The following NTN1 variants were observed in gnomAD, a reference collection of about 807,000 sequenced individuals.
The protein encoded by NTN1 is netrin 1, also known as netrin-1.
A neutral mutation model predicts 54.2 loss-of-function variants in NTN1; 11 were observed. The ratio of observed to expected loss-of-function variants is 0.20; its 90% CI spans 0.13 to 0.34. The LOEUF is 0.34. NTN1 is among the 10% of genes least tolerant of loss of function. NTN1 has a pLI of 1.00. For missense variants in NTN1, 740 were observed against 893.1 expected (o/e 0.83, Z 2.18); for synonymous variants, 371 against 382.0 (o/e 0.97, Z 0.33).
At chr17:9,062,249 G>A (rs1388046403) in intron 2 of NTN1, among the ~76,000 whole-genome samples, 1 of 152,188 alleles carries the variant, frequency 6.6e-6, no homozygotes, top group Non-Finnish European at 1.5e-5. Flanking sequence ...AGGGGCCACG[G>A]CCTCATAAAA....
At chr17:9,154,435 G>A (rs948047556) in intron 2 of NTN1, among the ~76,000 whole-genome samples, 1 of 152,216 alleles carries the variant, frequency 6.6e-6, no homozygotes, top group African/African-American at 2.4e-5. Context: ...GTATGTATAT[G>A]TATGATCGTT....
At chr17:9,201,470 A>G (rs1035013119) in intron 5 of NTN1, among the ~76,000 whole-genome samples, 1 of 152,212 alleles carries the variant, frequency 6.6e-6, no homozygotes, top group African/African-American at 2.4e-5. Context: ...AGGGCTCTGA[A>G]TTAACCCTGT....
At chr17:9,113,312 G>A (rs932770725) in intron 2 of NTN1, among the ~76,000 whole-genome samples, 12 of 151,954 alleles carry the variant, frequency 7.9e-5, no homozygotes, top group African/African-American at 2.7e-4. Context: ...ATGAGCCACC[G>A]CACTGGGCCT....
At chr17:9,134,411 T>C (rs1018906654) in intron 2 of NTN1, among the ~76,000 whole-genome samples, 2 of 152,278 alleles carry the variant, frequency 1.3e-5, no homozygotes, top group East Asian at 1.9e-4. Context: ...CGGCTGGGGT[T>C]GCAGCTGCCT....
intron 2 of NTN1, among the ~76,000 whole-genome samples, chr17:9,023,836 C>T (rs2091861827): frequency 6.6e-6 from 1 of 152,220 alleles, no homozygotes; most frequent in Non-Finnish European, 1.5e-5. Flanking sequence ...CTACAAATCC[C>T]TTGGGAGATG....
chr17:9,057,214 T>A (rs1017162263), intron 2 of NTN1, among the ~76,000 whole-genome samples: 3 of 131,714 alleles, frequency 2.3e-5, no homozygotes, highest in African/African-American at 8.7e-5. Flanking sequence ...AAAGGACCCC[T>A]GTGGTCCCCA....
intron 2 of NTN1, among the ~76,000 whole-genome samples, chr17:9,111,094 C>G (rs183725745): frequency 3.5e-4 from 53 of 152,148 alleles, no homozygotes; most frequent in African/African-American, 7.2e-4. Flanking sequence ...CACGCCACCA[C>G]GCCTGGCTAA....
intron 2 of NTN1, among the ~76,000 whole-genome samples, chr17:9,156,362 G>T (rs2092342318): frequency 6.6e-6 from 1 of 152,232 alleles, no homozygotes; most frequent in Admixed American, 6.5e-5. Context: ...CTGCTGTGGG[G>T]TACTGGGCCC....
At chr17:9,155,775 C>A (rs1323059453) in intron 2 of NTN1, among the ~76,000 whole-genome samples, 1 of 152,208 alleles carries the variant, frequency 6.6e-6, no homozygotes, top group African/African-American at 2.4e-5. Context: ...TCAAACTCAG[C>A]ACTATGGACA....
intron 2 of NTN1, 64 bp from the exon 3 acceptor site, chr17:9,162,749 G>T: frequency 5.4e-6 from 8 of 1,485,160 alleles, no homozygotes; most frequent in Non-Finnish European, 6.4e-6. Flanking sequence ...TTCTTTTGAC[G>T]CTCTTGGGTG....
At chr17:9,050,264 T>TA (rs965743726) in intron 2 of NTN1, among the ~76,000 whole-genome samples, 1 of 148,292 alleles carries the variant, frequency 6.7e-6, no homozygotes, top group Non-Finnish European at 1.5e-5. Context: ...TAAAAAAAAA[T>TA]AAAAATAAAA....
Position 9,114,634 on chromosome 17 carries a change from T to C in NTN1, c.1019-48179T>C, listed in dbSNP as rs1419411721. On this transcript the variant is annotated intron_variant, in intron 2 of 6. Coordinates refer to ENST00000173229, the MANE Select transcript of NTN1 (RefSeq NM_004822.3). Reference sequence around the variant, plus strand: ...TGGGTGTGGTGGCGGGTGCCTGTAATCCCAGCTACTTGGGAGGCTAAGGCA... The same window carrying C: ...TGGGTGTGGTGGCGGGTGCCTGTAACCCCAGCTACTTGGGAGGCTAAGGCA... Among the ~76,000 whole-genome samples the C allele has an allele frequency of 2.0e-5, 3 of 152,098 alleles. No homozygotes were observed. In the East Asian group the frequency reaches 5.8e-4, roughly 29 times the overall value.
At chr17:9,183,263 A>T (rs2092424307) in intron 5 of NTN1, 1 of 621,630 alleles carries the variant, frequency 1.6e-6, no homozygotes, top group African/African-American at 1.8e-5. Context: ...CGCCAGCCCA[A>T]CACCTTCCAG....
intron 2 of NTN1, among the ~76,000 whole-genome samples, chr17:9,068,544 C>T (rs1353354620): frequency 4.4e-4 from 66 of 148,684 alleles, no homozygotes; most frequent in Non-Finnish European, 6.5e-4. Context: ...GAGTTTCTCT[C>T]GTTGCCCAGG....
At position 9,234,195 on chromosome 17, in the gene NTN1, C is replaced by G. The variant is rs75453124; in HGVS notation, c.1487-5445C>G. Among the ~76,000 whole-genome samples the G allele has an allele frequency of 7.5e-3, 1,142 of 152,340 alleles. 11 individuals carry two copies. The highest frequency in any genetic ancestry group is 0.026 in the African/African-American group (1,097 of 41,586). On this transcript the variant is annotated intron_variant, in intron 6 of 6. Transcript: ENST00000173229. ...AGGTGTGGGTTAGGGCAAGGGAAGC[C>G]AGTCCTCTTAGCTCGCACTGTCCTG...
chr17:9,097,844 GT>G (rs1462468205), intron 2 of NTN1, among the ~76,000 whole-genome samples: 1 of 151,924 alleles, frequency 6.6e-6, no homozygotes, highest in Non-Finnish European at 1.5e-5. Context: ...TATTGAAACA[GT>G]CCCCTGTGTA....
rs555445846 is a variant in NTN1 at position 9,064,450 on chromosome 17, G to A, written c.1018+41059G>A. Among the ~76,000 whole-genome samples, 47 of 152,234 alleles carry A rather than the reference G, an allele frequency of 3.1e-4. 2 individuals carry two copies. The highest frequency in any genetic ancestry group is 2.7e-3 in the South Asian group (13 of 4,816). On this transcript the variant is annotated intron_variant, in intron 2 of 6. Coordinates refer to ENST00000173229, the MANE Select transcript of NTN1 (RefSeq NM_004822.3). ...ACAGCTCCCCATTTCTCACTTCTGC[G>A]TCGATGCCTCATGGGCACCTCAAGC...
At chr17:9,045,947 T>C (rs1008899790) in intron 2 of NTN1, among the ~76,000 whole-genome samples, 5 of 152,246 alleles carry the variant, frequency 3.3e-5, no homozygotes, top group Non-Finnish European at 7.3e-5. Flanking sequence ...CTAAGTGTCA[T>C]TTCCGTATCA....
Position 9,179,927 on chromosome 17 carries a change from AGAGCCGC to A in NTN1, c.1329_1335del (p.Gln443HisfsTer8). 6.2e-7 allele frequency: 1 copy of A among 1,613,974 alleles called. No individual in the cohort carries two copies. Among genetic ancestry groups the A allele is most frequent in the Non-Finnish European group, 8.5e-7 (1 of 1,179,972 alleles). Reference sequence around the variant, plus strand: ...AACCGCTGCGCCAAAGGCTACCAGCAGAGCCGCTCTCCCATCGCCCCCTGCATAAGTA... The same window carrying A: ...AACCGCTGCGCCAAAGGCTACCAGCATCTCCCATCGCCCCCTGCATAAGTA... On this transcript the variant is annotated frameshift_variant, in exon 4 of 7. Coordinates refer to ENST00000173229, the MANE Select transcript of NTN1 (RefSeq NM_004822.3). LOFTEE classifies it high-confidence loss of function.
Sources: allele counts gnomAD v4.1 joint callset (sites outside exome capture counted in the v4.1 genomes callset), GRCh38; gene constraint gnomAD v4.1.1; transcripts MANE v1.5; gene names NCBI Gene and HGNC (gene_info 2026-07-23, HGNC 2026-07-21).